The following MYO6 variants were observed in gnomAD, a reference collection of about 807,000 sequenced individuals.
MYO6 encodes myosin VI, also known as unconventional myosin-VI.
MYO6 carries 74 observed loss-of-function variants against 178.7 expected under a neutral mutation model. The observed-to-expected ratio is 0.41, with a 90% CI of 0.34 to 0.50. The LOEUF (loss-of-function observed/expected upper bound fraction) is 0.50, where lower values mean the gene tolerates loss of function less well. Ranked by LOEUF, MYO6 falls within the 20% of genes least tolerant of loss-of-function variation. The pLI, the probability that MYO6 is intolerant of heterozygous loss-of-function variation, is 0.09. For synonymous variants in MYO6, 477 were observed against 504.6 expected, an observed-to-expected ratio of 0.95 and a Z score of 0.73; for missense variants, 1,330 against 1,547.4, an observed-to-expected ratio of 0.86 and a Z score of 2.36.
intron 3 of MYO6, among the ~76,000 whole-genome samples, chr6:75,828,183 G>C (rs1772671873): frequency 6.6e-6 from 1 of 152,098 alleles, no homozygotes; most frequent in Non-Finnish European, 1.5e-5. Context: ...AGATTGGATT[G>C]GTGTCATCAC....
intron 1 of MYO6, among the ~76,000 whole-genome samples, chr6:75,755,029 G>C (rs538679168): frequency 2.6e-5 from 4 of 152,030 alleles, no homozygotes; most frequent in Admixed American, 2.0e-4. Flanking sequence ...CCAGGAGTTT[G>C]AGAACAGCCT....
Position 75,917,679 on chromosome 6 carries a change from A to C in MYO6, c.*2667A>C, listed in dbSNP as rs1781193190. 1 of 152,534 alleles carries C rather than the reference A, an allele frequency of 6.6e-6. No homozygotes were observed. The highest frequency in any genetic ancestry group is 6.5e-5 in the Admixed American group (1 of 15,282). The allele number at this position is 152,534 out of a possible 1,614,324, so 9.4% of individuals were successfully genotyped here. A position where few individuals can be genotyped will look rare whatever the true frequency, so the allele number is the denominator to read the frequency against. Reference sequence around the variant, plus strand: ...TGACTTTTCATAGGTCATTCTTGTGAACCATTTTGTTTTGCAAGCAACCAA... The same window carrying C: ...TGACTTTTCATAGGTCATTCTTGTGCACCATTTTGTTTTGCAAGCAACCAA... On this transcript the variant is annotated 3_prime_UTR_variant, in exon 35 of 35. Coordinates refer to ENST00000369977, the MANE Select transcript of MYO6 (RefSeq NM_004999.4).
chr6:75,787,882 C>T (rs1767830494), intron 1 of MYO6, among the ~76,000 whole-genome samples: 1 of 149,942 alleles, frequency 6.7e-6, no homozygotes, highest in African/African-American at 2.5e-5. Context: ...ACTTCAGCTT[C>T]CCAAGTAGCT....
chr6:75,857,352 T>C (rs958948304), intron 13 of MYO6, 98 bp downstream of exon 13: 3 of 1,217,226 alleles, frequency 2.5e-6, no homozygotes, highest in Non-Finnish European at 3.6e-6. Context: ...CTCATTTTAC[T>C]TGATGTATGT....
intron 30 of MYO6, among the ~76,000 whole-genome samples, chr6:75,902,014 T>C (rs1323333576): frequency 2.0e-5 from 3 of 152,380 alleles, no homozygotes; most frequent in East Asian, 3.9e-4. Context: ...TCTGTTTATA[T>C]GCTGGCTTAC....
At chr6:75,838,170 A>T (rs918455953) in intron 7 of MYO6, among the ~76,000 whole-genome samples, 4 of 151,246 alleles carry the variant, frequency 2.6e-5, no homozygotes, top group African/African-American at 9.7e-5. Flanking sequence ...GCGCTGCTTC[A>T]TCCTACCGAG....
chr6:75,852,307 A>C (rs1775351488), intron 11 of MYO6, among the ~76,000 whole-genome samples: 1 of 152,216 alleles, frequency 6.6e-6, no homozygotes, highest in Admixed American at 6.5e-5. Flanking sequence ...CATTCAAAAT[A>C]TTCTCAAAGT....
At position 75,828,610 on chromosome 6, in the gene MYO6, T is replaced by G. The variant is rs758865878; in HGVS notation, c.258T>G (p.Ile86Met). Reference protein sequence around the residue: ...NIKVRYSKDRIYTYVANILIA... With the variant: ...NIKVRYSKDRMYTYVANILIA... ...AAGTTCGATATAGTAAAGACAGAAT[T>G]TATGTAAGTATTTTACCTGTAGTGT... is the stretch of plus-strand genomic sequence containing the variant. The change falls in exon 4 of 35, where the codon ATT becomes ATG. Residue 86 changes from isoleucine (I) to methionine (M), a missense_variant. By Grantham distance (10) the Ile-to-Met change is conservative (BLOSUM62 1). Transcript: ENST00000369977. 6.4e-7 allele frequency: 1 copy of G among 1,554,996 alleles called. No individual in the cohort carries two copies. Among genetic ancestry groups the G allele is most frequent in the East Asian group, 2.3e-5 (1 of 44,436 alleles).
chr6:75,783,102 A>C (rs1390197415), intron 1 of MYO6, among the ~76,000 whole-genome samples: 1 of 151,502 alleles, frequency 6.6e-6, no homozygotes, highest in African/African-American at 2.4e-5. Context: ...TTTTTTGTAG[A>C]GATGGGGTCT....
At position 75,886,888 on chromosome 6, in the gene MYO6, A is replaced by T; in HGVS notation, c.2552A>T (p.Asp851Val). 6.2e-7 allele frequency: 1 copy of T among 1,613,854 alleles called. No individual in the cohort carries two copies. Among genetic ancestry groups the T allele is most frequent in the Non-Finnish European group, 8.5e-7 (1 of 1,179,872 alleles). The stretch of plus-strand genomic sequence containing the variant: ...GTGGGCACACTGAAAAAACGACTTG[A>T]TAAATTTAATGAGGTAGTCAGTGTG... ...VKVGTLKKRL[D>V]KFNEVVSVLK... Residue 851 changes from aspartate to valine, a missense_variant, in exon 25 of 35, where the codon GAT becomes GTT. Asp to Val is a radical substitution (Grantham distance 152, BLOSUM62 -3). Around this residue, in one of 3 missense-constraint regions of MYO6, gnomAD observed 601 missense variants for 626.1 expected, o/e 0.96. Transcript: ENST00000369977.
chr6:75,867,247 T>A, intron 18 of MYO6, 142 bp downstream of exon 18: 1 of 664,918 alleles, frequency 1.5e-6, no homozygotes, highest in Non-Finnish European at 2.5e-6. Context: ...TATTTGTATG[T>A]AAAATATCAT....
At chr6:75,863,670 G>C (rs1266278282) in intron 16 of MYO6, among the ~76,000 whole-genome samples, 2 of 152,052 alleles carry the variant, frequency 1.3e-5, no homozygotes, top group Non-Finnish European at 2.9e-5. Flanking sequence ...ATTTTTAGTA[G>C]AGACGGGGTT....
Position 75,907,660 on chromosome 6 carries a change from A to T in MYO6, c.3232A>T (p.Ser1078Cys). 6.2e-7 allele frequency: 1 copy of T among 1,613,740 alleles called. No individual in the cohort carries two copies. The highest frequency in any genetic ancestry group is 1.7e-5 in the Admixed American group (1 of 60,018). The change falls in exon 31 of 35, where the codon AGT becomes TGT. Residue 1078 changes from serine (S) to cysteine (C), a missense_variant. By Grantham distance (112) the Ser-to-Cys change is moderately radical (BLOSUM62 -1). Around this residue, in one of 3 missense-constraint regions of MYO6, gnomAD observed 601 missense variants for 626.1 expected, o/e 0.96. Coordinates refer to ENST00000369977, the MANE Select transcript of MYO6 (RefSeq NM_004999.4). ...TGCTGGTACTAAGAAATATGATCTT[A>T]GTAAATGGAAATATGCAGAACTACG... The part of the protein sequence containing the change: ...AAAGTKKYDL[S>C]KWKYAELRDT...
At chr6:75,896,109 G>A (rs1446699407) in intron 29 of MYO6, among the ~76,000 whole-genome samples, 2 of 151,788 alleles carry the variant, frequency 1.3e-5, no homozygotes, top group Non-Finnish European at 2.9e-5. Flanking sequence ...CTACATATAA[G>A]GATTTTGGAA....
In MYO6 at chr6:75,915,676, G is replaced by C. The variant is rs1781083340; in HGVS notation, c.*664G>C. ...AGCACAGATTTGCTTTTCTTTGCTA[G>C]CACAATGTGTGTTGCTGTCAGAATA... On this transcript the variant is annotated 3_prime_UTR_variant, in exon 35 of 35. Coordinates refer to ENST00000369977, the MANE Select transcript of MYO6 (RefSeq NM_004999.4). The C allele has an allele frequency of 6.6e-6, 1 of 152,640 alleles. No individual in the cohort carries two copies. The highest frequency in any genetic ancestry group is 2.4e-5 in the African/African-American group (1 of 41,452). 9.5% of individuals were successfully genotyped at this position (152,640 alleles called of 1,614,324 possible). A position where few individuals can be genotyped will look rare whatever the true frequency, so the allele number is the denominator to read the frequency against.
chr6:75,874,405 T>C (rs553571335), intron 20 of MYO6, among the ~76,000 whole-genome samples: 37 of 152,248 alleles, frequency 2.4e-4, no homozygotes, highest in Non-Finnish European at 4.4e-4. Context: ...CAGCATGTTC[T>C]GTTTCTCATC....
intron 1 of MYO6, among the ~76,000 whole-genome samples, chr6:75,806,771 A>G (rs1419961579): frequency 3.3e-5 from 5 of 152,328 alleles, no homozygotes; most frequent in African/African-American, 9.6e-5. Context: ...GGCCCATCCT[A>G]TACTTTTAGT....
chr6:75,903,429 AT>A (rs1191804190), intron 30 of MYO6, among the ~76,000 whole-genome samples: 3 of 151,238 alleles, frequency 2.0e-5, no homozygotes, highest in Admixed American at 2.0e-4. Flanking sequence ...GTGCATATAT[AT>A]TTAGGATAGT....
At chr6:75,823,189 G>A (rs748012246) in intron 3 of MYO6, among the ~76,000 whole-genome samples, 1 of 152,172 alleles carries the variant, frequency 6.6e-6, no homozygotes, top group Admixed American at 6.5e-5. Flanking sequence ...TGTAGTATAT[G>A]TGGTTCAGTA....
Sources: allele counts gnomAD v4.1 joint callset (sites outside exome capture counted in the v4.1 genomes callset), GRCh38; gene constraint gnomAD v4.1.1; regional missense constraint gnomAD v4.1.1; transcripts MANE v1.5; gene names NCBI Gene and HGNC (gene_info 2026-07-23, HGNC 2026-07-21).